Variants in NGLY1 observed in about 807,000 individuals in gnomAD.
NGLY1 encodes the protein peptide-N(4)-(N-acetyl-beta-glucosaminyl)asparagine amidase.
In NGLY1, 68 loss-of-function variants were observed where a neutral mutation model predicts 84.6. That is an observed-to-expected ratio of 0.80 (90% CI 0.66 to 0.98). NGLY1 has a LOEUF of 0.98. Ranked by LOEUF, NGLY1 falls within the 50% of genes least tolerant of loss-of-function variation. The pLI is 0.00. For missense variants in NGLY1, 779 were observed against 770.2 expected (o/e 1.01, Z -0.14); for synonymous variants, 280 against 275.2 (o/e 1.02, Z -0.17).
chr3:25,753,963 A>C (rs908994449), intron 3 of NGLY1, among the ~76,000 whole-genome samples: 2 of 152,206 alleles, frequency 1.3e-5, no homozygotes, highest in Non-Finnish European at 2.9e-5. Flanking sequence ...AGACATGATC[A>C]ATTTAAGGTC....
At chr3:25,771,805 G>A (rs183234065) in intron 2 of NGLY1, among the ~76,000 whole-genome samples, 22 of 152,272 alleles carry the variant, frequency 1.4e-4, no homozygotes, top group Middle Eastern at 3.4e-3. Flanking sequence ...AATTGTAAAA[G>A]GAGTTGAGTT....
chr3:25,732,856 AAC>A (rs2125467138), intron 8 of NGLY1, among the ~76,000 whole-genome samples: 1 of 152,294 alleles, frequency 6.6e-6, no homozygotes, highest in African/African-American at 2.4e-5. Context: ...CTCACATATA[AAC>A]ACCTGTTTGA....
chr3:25,770,241 C>G (rs1206051142), intron 2 of NGLY1, among the ~76,000 whole-genome samples: 3 of 152,204 alleles, frequency 2.0e-5, no homozygotes, highest in Admixed American at 2.0e-4. Flanking sequence ...ACCTCCGCCT[C>G]CCGGGTTCTA....
intron 4 of NGLY1, among the ~76,000 whole-genome samples, chr3:25,740,472 G>T (rs1182684459): frequency 6.6e-6 from 1 of 151,960 alleles, no homozygotes; most frequent in East Asian, 1.9e-4. Context: ...GGAAGGAGAG[G>T]GAAAATCAAT....
chr3:25,750,684 C>T (rs1423463548), intron 4 of NGLY1, among the ~76,000 whole-genome samples: 1 of 151,862 alleles, frequency 6.6e-6, no homozygotes, highest in Non-Finnish European at 1.5e-5. Context: ...TGATATGTGA[C>T]CATGAGGTAT....
intron 3 of NGLY1, among the ~76,000 whole-genome samples, chr3:25,761,512 C>A (rs989647010): frequency 3.3e-5 from 5 of 152,146 alleles, no homozygotes; most frequent in African/African-American, 7.2e-5. Flanking sequence ...CCAAAATGAA[C>A]TACTACTTAA....
intron 7 of NGLY1, chr3:25,734,849 CT>C: frequency 1.1e-6 from 1 of 932,584 alleles, no homozygotes; most frequent in Non-Finnish European, 1.3e-6. Flanking sequence ...AAAACATTAC[CT>C]TTTTAAAATT....
intron 3 of NGLY1, among the ~76,000 whole-genome samples, chr3:25,756,963 A>G (rs1294848967): frequency 6.6e-6 from 1 of 152,236 alleles, no homozygotes; most frequent in African/African-American, 2.4e-5. Flanking sequence ...AGCTTTCGAG[A>G]ATATAAACAG....
intron 2 of NGLY1, among the ~76,000 whole-genome samples, chr3:25,777,039 A>C (rs1708183911): frequency 6.6e-6 from 1 of 152,060 alleles, no homozygotes; most frequent in Non-Finnish European, 1.5e-5. Flanking sequence ...TCCCCATCCC[A>C]CCACCTCCAG....
chr3:25,767,251 T>C (rs148423086), intron 2 of NGLY1, among the ~76,000 whole-genome samples: 5,273 of 150,332 alleles, frequency 0.035, 142 homozygotes, highest in Admixed American at 0.081. Flanking sequence ...GAGATCATGC[T>C]ACTGCACTCC....
At chr3:25,736,276 G>A in intron 6 of NGLY1, 127 bp from the exon 7 acceptor site, 1 of 1,550,272 alleles carries the variant, frequency 6.5e-7, no homozygotes, top group Non-Finnish European at 8.7e-7. Context: ...CAGTTAATAA[G>A]TGCATTTTGT....
intron 2 of NGLY1, among the ~76,000 whole-genome samples, chr3:25,772,321 G>C (rs1707933358): frequency 2.0e-5 from 3 of 152,082 alleles, no homozygotes; most frequent in East Asian, 1.9e-4. Flanking sequence ...ATAAATTTGG[G>C]AGCTCCAGTG....
chr3:25,775,978 T>C (rs1013145967), intron 2 of NGLY1, among the ~76,000 whole-genome samples: 7 of 152,372 alleles, frequency 4.6e-5, no homozygotes, highest in Non-Finnish European at 8.8e-5. Context: ...GTACAACTAT[T>C]ATGTATTCAT....
chr3:25,749,737 G>A (rs1575633256), intron 4 of NGLY1: 1 of 1,575,332 alleles, frequency 6.3e-7, no homozygotes, highest in Non-Finnish European at 8.6e-7. Flanking sequence ...ACAACGTCAA[G>A]GAGCTTGAAG....
chr3:25,749,442 C>A, intron 4 of NGLY1: 2 of 1,095,988 alleles, frequency 1.8e-6, no homozygotes, highest in Non-Finnish European at 2.8e-6. Context: ...GCTCTCTCCT[C>A]CTCAGCACTG....
intron 1 of NGLY1, among the ~76,000 whole-genome samples, chr3:25,789,177 G>A (rs768279359): frequency 1.3e-5 from 2 of 151,908 alleles, no homozygotes; most frequent in Non-Finnish European, 2.9e-5. Flanking sequence ...TCCCTTTATC[G>A]GTTTGCAGTC....
At chr3:25,769,309 C>T (rs1220585329) in intron 2 of NGLY1, among the ~76,000 whole-genome samples, 3 of 151,932 alleles carry the variant, frequency 2.0e-5, no homozygotes, top group African/African-American at 4.8e-5. Context: ...TGCAGTAAGC[C>T]GAGATTGTGC....
intron 4 of NGLY1, among the ~76,000 whole-genome samples, chr3:25,748,197 T>A (rs560542147): frequency 6.6e-6 from 1 of 152,090 alleles, no homozygotes; most frequent in African/African-American, 2.4e-5. Context: ...CCCAGAGATA[T>A]AGGCCCACTA....
intron 4 of NGLY1, among the ~76,000 whole-genome samples, chr3:25,743,718 A>G (rs1706270993): frequency 1.3e-5 from 2 of 152,180 alleles, no homozygotes; most frequent in Admixed American, 1.3e-4. Context: ...GCCTCAAAAT[A>G]TTACTTAGAA....
Sources: allele counts gnomAD v4.1 joint callset (sites outside exome capture counted in the v4.1 genomes callset), GRCh38; gene constraint gnomAD v4.1.1; transcripts MANE v1.5; gene names NCBI Gene and HGNC (gene_info 2026-07-23, HGNC 2026-07-21).